CTNNA3: variants seen among roughly 807,000 people sequenced by gnomAD.
CTNNA3 encodes the protein catenin alpha 3.
In CTNNA3, 76 loss-of-function variants were observed where a neutral mutation model predicts 95.7. The observed-to-expected ratio is 0.79, with a 90% CI of 0.66 to 0.96. The LOEUF (loss-of-function observed/expected upper bound fraction) is 0.96. Ranked by LOEUF, CTNNA3 falls within the 40% of genes least tolerant of loss-of-function variation. The pLI is 0.00. For synonymous variants in CTNNA3, 431 were observed against 374.4 expected (o/e 1.15, Z -1.74); for missense variants, 1,191 against 1,089.8 (o/e 1.09, Z -1.31).
chr10:66,104,327 A>T (rs1032640733), intron 13 of CTNNA3, among the ~76,000 whole-genome samples: 1 of 152,196 alleles, frequency 6.6e-6, no homozygotes, highest in Non-Finnish European at 1.5e-5. Context: ...TAATTGTTGA[A>T]TTGTCTATTC....
chr10:66,311,279 T>C (rs1955298), intron 12 of CTNNA3, among the ~76,000 whole-genome samples: 55,532 of 152,110 alleles, frequency 0.37, 10,397 homozygotes, highest in Admixed American at 0.45. Flanking sequence ...GTTGCTCTTA[T>C]GGTCATTTTA....
intron 7 of CTNNA3, among the ~76,000 whole-genome samples, chr10:66,836,758 T>C (rs1052572164): frequency 6.6e-6 from 1 of 152,076 alleles, no homozygotes; most frequent in Non-Finnish European, 1.5e-5. Context: ...TAAGAAAAGA[T>C]GAAAGGAAAA....
At chr10:67,312,072 T>C (rs1453027230) in intron 5 of CTNNA3, among the ~76,000 whole-genome samples, 1 of 118,614 alleles carries the variant, frequency 8.4e-6, no homozygotes, top group East Asian at 2.5e-4. Flanking sequence ...TACATTTAAA[T>C]TACTTTTTTT....
chr10:67,035,727 TACATC>T (rs1854005560), intron 7 of CTNNA3, among the ~76,000 whole-genome samples: 1 of 152,176 alleles, frequency 6.6e-6, no homozygotes, highest in Non-Finnish European at 1.5e-5. Flanking sequence ...ATCAGCTGAG[TACATC>T]ACAGAAATGC....
At chr10:67,606,754 A>G in intron 3 of CTNNA3, 103 bp downstream of exon 3, 4 of 933,092 alleles carry the variant, frequency 4.3e-6, no homozygotes, top group Non-Finnish European at 6.5e-6. Context: ...GCAAAAGACT[A>G]AAAAACTGGA....
At chr10:66,430,457 C>T (rs545410366) in intron 11 of CTNNA3, among the ~76,000 whole-genome samples, 32 of 152,210 alleles carry the variant, frequency 2.1e-4, no homozygotes, top group Middle Eastern at 3.4e-3. Context: ...CAATCCTAAG[C>T]CAAAAGAACA....
At chr10:66,516,641 T>C (rs1183561823) in intron 11 of CTNNA3, among the ~76,000 whole-genome samples, 1 of 152,170 alleles carries the variant, frequency 6.6e-6, no homozygotes, top group Non-Finnish European at 1.5e-5. Flanking sequence ...CTCTGGCTTC[T>C]AGTCAGTTGT....
chr10:66,733,793 T>C (rs1025745207), intron 9 of CTNNA3, among the ~76,000 whole-genome samples: 49 of 151,852 alleles, frequency 3.2e-4, no homozygotes, highest in Admixed American at 1.4e-3. Context: ...TCTATTAAGA[T>C]GTTGTTAAAT....
intron 1 of CTNNA3, among the ~76,000 whole-genome samples, chr10:67,686,406 A>C (rs1257436932): frequency 6.6e-6 from 1 of 152,198 alleles, no homozygotes; most frequent in Middle Eastern, 3.2e-3. Context: ...GGGTGGCATA[A>C]GTCTGGACTA....
chr10:66,812,473 T>C (rs1841921441), intron 7 of CTNNA3, among the ~76,000 whole-genome samples: 1 of 152,182 alleles, frequency 6.6e-6, no homozygotes, highest in Non-Finnish European at 1.5e-5. Context: ...TAAATATTTA[T>C]GAACTGGCTT....
chr10:67,601,174 C>T (rs921522127), intron 3 of CTNNA3, among the ~76,000 whole-genome samples: 1 of 152,086 alleles, frequency 6.6e-6, no homozygotes, highest in Non-Finnish European at 1.5e-5. Context: ...TTCAATAAAC[C>T]ATTTAAAACA....
rs574538565 is a variant in CTNNA3, at chr10:67,586,123, G to A, written c.292+20734C>T. Reference sequence around the variant, plus strand: ...CATAATGTTTAATTTCCATGTGTCTGTATACTTTCCAAAGTTCCTCTTGGT... The same window carrying A: ...CATAATGTTTAATTTCCATGTGTCTATATACTTTCCAAAGTTCCTCTTGGT... On this transcript the variant is annotated intron_variant, in intron 3 of 17. Coordinates refer to ENST00000433211, the MANE Select transcript of CTNNA3 (RefSeq NM_013266.4). Among the ~76,000 whole-genome samples, 2 of 152,166 alleles carry A rather than the reference G, an allele frequency of 1.3e-5. 1 individual carries two copies. Among genetic ancestry groups the A allele is most frequent in the Admixed American group, 1.3e-4 (2 of 15,282 alleles).
At chr10:67,575,085 A>T (rs1842100967) in intron 3 of CTNNA3, among the ~76,000 whole-genome samples, 1 of 152,170 alleles carries the variant, frequency 6.6e-6, no homozygotes, top group African/African-American at 2.4e-5. Flanking sequence ...TGGGCCACTC[A>T]GAGGGGAATG....
At chr10:66,224,725 C>A (rs768950043) in intron 13 of CTNNA3, among the ~76,000 whole-genome samples, 1 of 152,052 alleles carries the variant, frequency 6.6e-6, no homozygotes, top group Middle Eastern at 3.2e-3. Flanking sequence ...TCTTAAAATA[C>A]GAACCAAACA....
intron 5 of CTNNA3, among the ~76,000 whole-genome samples, chr10:67,378,746 G>C (rs954840117): frequency 1.3e-5 from 2 of 151,940 alleles, no homozygotes; most frequent in Admixed American, 1.3e-4. Flanking sequence ...TTCTTTTTAT[G>C]GCTGAATAGT....
chr10:67,442,002 C>A (rs9414963), intron 5 of CTNNA3, among the ~76,000 whole-genome samples: 110,770 of 151,770 alleles, frequency 0.73, 43,373 homozygotes, highest in Non-Finnish European at 0.88. Flanking sequence ...TATTCAAAGC[C>A]TAAGCAGTGC....
At chr10:66,695,576 C>T (rs1847726869) in intron 9 of CTNNA3, among the ~76,000 whole-genome samples, 1 of 152,154 alleles carries the variant, frequency 6.6e-6, no homozygotes, top group Non-Finnish European at 1.5e-5. Context: ...CACAGCTTCT[C>T]CCAGCAGCCT....
intron 7 of CTNNA3, among the ~76,000 whole-genome samples, chr10:66,978,404 G>A (rs1007603698): frequency 4.6e-5 from 7 of 150,898 alleles, no homozygotes; most frequent in Middle Eastern, 3.2e-3. Context: ...GTGGGCGCCT[G>A]TAATCCCAGC....
intron 16 of CTNNA3, among the ~76,000 whole-genome samples, chr10:65,968,763 G>A (rs2133263016): frequency 6.6e-6 from 1 of 152,322 alleles, no homozygotes; most frequent in East Asian, 1.9e-4. Context: ...CCCTGGATTA[G>A]GAGTTTAGGC....
Sources: gnomAD v4.1 joint callset for allele counts (sites outside exome capture counted in the v4.1 genomes callset) on GRCh38, gnomAD v4.1.1 for gene constraint, MANE v1.5 for transcripts, NCBI Gene and HGNC (gene_info 2026-07-23, HGNC 2026-07-21) for gene names.